Variants in CYSLTR2 observed in about 807,000 individuals in gnomAD.
CYSLTR2 encodes the protein cysteinyl leukotriene receptor 2, also known as G-protein coupled receptor GPCR21.
For missense variants in CYSLTR2, 398 were observed against 411.9 expected (o/e 0.97, Z 0.29); for synonymous variants, 179 against 160.8 (o/e 1.11, Z -0.86).
intron 1 of CYSLTR2, among the ~76,000 whole-genome samples, chr13:48,668,086 T>A (rs1373753181): frequency 6.6e-6 from 1 of 152,140 alleles, no homozygotes; most frequent in Non-Finnish European, 1.5e-5. Flanking sequence ...GAATAGGGTA[T>A]GCAAAATCAG....
chr13:48,705,255 T>C (rs1462164847), intron 4 of CYSLTR2, among the ~76,000 whole-genome samples: 2 of 152,326 alleles, frequency 1.3e-5, no homozygotes, highest in East Asian at 3.9e-4. Flanking sequence ...TTTCCTTTGA[T>C]TTGAATAACA....
chr13:48,689,662 A>G (rs1211540512), intron 1 of CYSLTR2, among the ~76,000 whole-genome samples: 1 of 152,120 alleles, frequency 6.6e-6, no homozygotes. Context: ...GTAGCTTTGT[A>G]GTATAGTTTG....
At chr13:48,656,188 A>G (rs565262022) in intron 1 of CYSLTR2, among the ~76,000 whole-genome samples, 1 of 152,274 alleles carries the variant, frequency 6.6e-6, no homozygotes, top group African/African-American at 2.4e-5. Flanking sequence ...ATGAATGTGT[A>G]CTACTTGTGT....
At chr13:48,654,298 T>A (rs866486850) in intron 1 of CYSLTR2, among the ~76,000 whole-genome samples, 1,234 of 60,168 alleles carry the variant, frequency 0.021, 10 homozygotes, top group African/African-American at 0.076. Flanking sequence ...TGTGTGTGTG[T>A]GTGTGTGAGT....
rs869282546 is a variant in CYSLTR2 at position 48,695,068 on chromosome 13, A to ATTTTTTTTTTTTTTTTT, written c.-102-1448_-102-1432dup. Among the ~76,000 whole-genome samples the ATTTTTTTTTTTTTTTTT allele has an allele frequency of 8.2e-4, 59 of 71,618 alleles. 14 individuals are homozygous for ATTTTTTTTTTTTTTTTT. The highest frequency in any genetic ancestry group is 1.2e-3 in the South Asian group (2 of 1,658). 47.0% of individuals were successfully genotyped at this position (71,618 alleles called of 152,430 possible). On this transcript the variant is annotated intron_variant, in intron 3 of 4. Coordinates refer to ENST00000682523, the MANE Select transcript of CYSLTR2 (RefSeq NM_001308476.3). ...AGACCATGGTATATCAGAACCTGGC[A>ATTTTTTTTTTTTTTTTT]TTTTTTTTTTTTTTTTTTTTTTTTT...
Position 48,707,014 on chromosome 13 carries a change from C to T in CYSLTR2, c.197C>T (p.Pro66Leu), listed in dbSNP as rs201806963. 6.1e-5 allele frequency: 98 copies of T among 1,613,976 alleles called. 1 individual carries two copies. The South Asian group carries it at 1.1e-3, about 18-fold the overall frequency. Residue 66 changes from proline (P) to leucine (L), a missense_variant, in exon 5 of 5, where the codon CCT becomes CTT. Coordinates refer to ENST00000682523, the MANE Select transcript of CYSLTR2 (RefSeq NM_001308476.3). ...TTGTCCATATATGTTTTCCTGCAGC[C>T]TTATAAGAAGTCCACATCTGTGAAC... ...NGLSIYVFLQ[P>L]YKKSTSVNVF...
At chr13:48,655,720 A>C (rs2138789196) in intron 1 of CYSLTR2, among the ~76,000 whole-genome samples, 1 of 152,338 alleles carries the variant, frequency 6.6e-6, no homozygotes, top group Non-Finnish European at 1.5e-5. Context: ...CATTTGATCC[A>C]CATACTAGCC....
chr13:48,711,222 T>A lies in CYSLTR2; in HGVS notation c.*3364T>A. 6.6e-6 allele frequency: 1 copy of A among 152,112 alleles called. No individual in the cohort carries two copies. Among genetic ancestry groups the A allele is most frequent in the Admixed American group, 6.5e-5 (1 of 15,272 alleles). The allele number at this position is 152,112 out of a possible 1,614,324, so 9.4% of individuals were successfully genotyped here. ...TTAAGTTAAAATTAAATTTTAAAAT[T>A]CAAACTAATTCTGAGTTGTTTTTTA... On this transcript the variant is annotated 3_prime_UTR_variant, in exon 5 of 5. Coordinates refer to ENST00000682523, the MANE Select transcript of CYSLTR2 (RefSeq NM_001308476.3).
chr13:48,710,021 G>T lies in CYSLTR2; in HGVS notation c.*2163G>T, dbSNP rs547305994. 6.6e-6 allele frequency: 1 copy of T among 152,138 alleles called. No individual in the cohort carries two copies. Among genetic ancestry groups the T allele is most frequent in the Non-Finnish European group, 1.5e-5 (1 of 68,008 alleles). 9.4% of individuals were successfully genotyped at this position (152,138 alleles called of 1,614,324 possible). ...CATAGAAAAATAAGCAAGTAAAAACGCAATACAGTTTTTAAGTGCTAGAGG... is the reference window on the plus strand; with the variant it reads ...CATAGAAAAATAAGCAAGTAAAAACTCAATACAGTTTTTAAGTGCTAGAGG... On this transcript the variant is annotated 3_prime_UTR_variant, in exon 5 of 5. Transcript: ENST00000682523.
At chr13:48,695,217 G>T (rs1954144906) in intron 3 of CYSLTR2, among the ~76,000 whole-genome samples, 1 of 151,194 alleles carries the variant, frequency 6.6e-6, no homozygotes, top group African/African-American at 2.4e-5. Flanking sequence ...TGGGACTACA[G>T]GCATGCGCCA....
chr13:48,691,532 A>G lies in CYSLTR2; in HGVS notation c.-176+231A>G, dbSNP rs763178380. Among the ~76,000 whole-genome samples, 58 of 152,260 alleles carry G rather than the reference A, an allele frequency of 3.8e-4. No homozygotes were observed. The Middle Eastern group carries it at 0.017, about 45-fold the overall frequency. On this transcript the variant is annotated intron_variant, in intron 2 of 4. Coordinates refer to ENST00000682523, the MANE Select transcript of CYSLTR2 (RefSeq NM_001308476.3). ...TGACAAAGTCACTCCAGCTTCCACA[A>G]GCTTTGCTGCAGCTTCTAGAACTCT...
intron 4 of CYSLTR2, among the ~76,000 whole-genome samples, chr13:48,706,066 G>A (rs544633997): frequency 2.7e-5 from 4 of 147,226 alleles, no homozygotes; most frequent in East Asian, 4.0e-4. Flanking sequence ...GCATGATCTC[G>A]GCTCATTGCA....
At chr13:48,703,880 T>C (rs922650198) in intron 4 of CYSLTR2, among the ~76,000 whole-genome samples, 1 of 152,164 alleles carries the variant, frequency 6.6e-6, no homozygotes, top group African/African-American at 2.4e-5. Context: ...TTTTGAGAGT[T>C]TTTCAATTGA....
At chr13:48,666,266 C>A (rs1221620285) in intron 1 of CYSLTR2, among the ~76,000 whole-genome samples, 1 of 152,092 alleles carries the variant, frequency 6.6e-6, no homozygotes, top group African/African-American at 2.4e-5. Context: ...GGAAATCCAC[C>A]CTTAGGCCAA....
intron 1 of CYSLTR2, among the ~76,000 whole-genome samples, chr13:48,687,683 T>C (rs1953931533): frequency 6.6e-6 from 1 of 152,342 alleles, no homozygotes; most frequent in South Asian, 2.1e-4. Context: ...TTCTCTCAAG[T>C]AGCCTGTGCT....
Position 48,707,934 on chromosome 13 carries a change from AT to A in CYSLTR2, c.*79del. 1 of 1,200,190 alleles carries A rather than the reference AT, an allele frequency of 8.3e-7. No homozygotes were observed. Among genetic ancestry groups the A allele is most frequent in the Non-Finnish European group, 1.1e-6 (1 of 882,858 alleles). The allele number at this position is 1,200,190 out of a possible 1,614,324, so 74.3% of individuals were successfully genotyped here. A position where few individuals can be genotyped will look rare whatever the true frequency, so the allele number is the denominator to read the frequency against. Reference sequence around the variant, plus strand: ...ACTCATAGTCTCCAAATGACTTTGTATTTACATCACTCCCAACAAATGTTGA... The same window carrying A: ...ACTCATAGTCTCCAAATGACTTTGTATTACATCACTCCCAACAAATGTTGA... On this transcript the variant is annotated 3_prime_UTR_variant, in exon 5 of 5. Coordinates refer to ENST00000682523, the MANE Select transcript of CYSLTR2 (RefSeq NM_001308476.3).
intron 1 of CYSLTR2, among the ~76,000 whole-genome samples, chr13:48,670,263 CA>C (rs1566085173): frequency 6.6e-6 from 1 of 152,168 alleles, no homozygotes; most frequent in African/African-American, 2.4e-5. Context: ...TTTTGCTGTG[CA>C]GAAGCTCTTT....
chr13:48,672,848 C>T (rs1478663508), intron 1 of CYSLTR2, among the ~76,000 whole-genome samples: 3 of 151,972 alleles, frequency 2.0e-5, no homozygotes, highest in Admixed American at 1.3e-4. Flanking sequence ...GATCTCCTGA[C>T]CTTGTGATCT....
intron 1 of CYSLTR2, among the ~76,000 whole-genome samples, chr13:48,663,036 T>C (rs1225342089): frequency 1.3e-5 from 2 of 152,138 alleles, no homozygotes; most frequent in Non-Finnish European, 2.9e-5. Flanking sequence ...GAGTGAGAGG[T>C]TTGGGCCTAG....
Sources: allele counts gnomAD v4.1 joint callset (sites outside exome capture counted in the v4.1 genomes callset), GRCh38; gene constraint gnomAD v4.1.1; transcripts MANE v1.5; gene names NCBI Gene and HGNC (gene_info 2026-07-23, HGNC 2026-07-21).